Variants in DIP2A observed in about 807,000 individuals in gnomAD.
DIP2A encodes the protein DIP2 acetate--CoA ligase A.
A neutral mutation model predicts 177.4 loss-of-function variants in DIP2A; 85 were observed. That is an observed-to-expected ratio of 0.48 (90% confidence interval 0.40 to 0.57). The LOEUF is 0.57. Ranked by LOEUF, DIP2A falls within the 20% of genes least tolerant of loss-of-function variation. The pLI, the probability that DIP2A is intolerant of heterozygous loss-of-function variation, is 0.00. For missense variants in DIP2A, 1,791 were observed against 2,100.2 expected, an observed-to-expected ratio of 0.85 and a Z score of 2.88; for synonymous variants, 886 against 881.8, an observed-to-expected ratio of 1.00 and a Z score of -0.08.
chr21:46,471,880 T>G (rs1458382896), intron 1 of DIP2A, among the ~76,000 whole-genome samples: 4 of 152,242 alleles, frequency 2.6e-5, no homozygotes, highest in Non-Finnish European at 4.4e-5. Flanking sequence ...GTGTCTTCTT[T>G]CTACACTGAA....
chr21:46,516,488 CTTTTTTT>C (rs1158910021), intron 8 of DIP2A, among the ~76,000 whole-genome samples: 9 of 76,380 alleles, frequency 1.2e-4, no homozygotes, highest in East Asian at 8.5e-4. Context: ...TCTGAAATTT[CTTTTTTT>C]TTTTTTTTTT....
intron 20 of DIP2A, 40 bp downstream of exon 20, chr21:46,546,001 A>G (rs1305658441): frequency 6.2e-7 from 1 of 1,613,548 alleles, no homozygotes; most frequent in African/African-American, 1.3e-5. Flanking sequence ...CAGTCAGAGA[A>G]GGTAGGGGGT....
chr21:46,466,079 T>C (rs2054799753), intron 1 of DIP2A, among the ~76,000 whole-genome samples: 1 of 152,228 alleles, frequency 6.6e-6, no homozygotes, highest in Admixed American at 6.5e-5. Context: ...TACAGTGAGC[T>C]TGACAGTTTC....
rs200370702 is a variant in DIP2A, at chr21:46,545,230, C to G, written c.2270C>G (p.Thr757Arg). ...TGCGTCAGTTCCAGTGCAACTGGCACAGCGTACTATGGATTGCTTGGAATC... is the reference window on the plus strand; with the variant it reads ...TGCGTCAGTTCCAGTGCAACTGGCAGAGCGTACTATGGATTGCTTGGAATC... Reference protein sequence around the residue: ...EICVSSSATGTAYYGLLGITK... With the variant: ...EICVSSSATGRAYYGLLGITK... Residue 757 changes from threonine (T) to arginine (R), a missense_variant, in exon 19 of 38, where the codon ACA (threonine) becomes AGA (arginine). Physicochemically the swap from Thr to Arg is moderately conservative, Grantham distance 71 (BLOSUM62 -1). Transcript: ENST00000417564. The G allele has an allele frequency of 5.4e-5, 87 of 1,609,816 alleles. No homozygotes were observed. Among genetic ancestry groups the G allele is most frequent in the Non-Finnish European group, 6.6e-5 (78 of 1,176,654 alleles).
At chr21:46,555,272 A>G (rs2060424319) in intron 28 of DIP2A, among the ~76,000 whole-genome samples, 1 of 152,020 alleles carries the variant, frequency 6.6e-6, no homozygotes. Flanking sequence ...GCATGCCGCC[A>G]CTCCAGCATC....
intron 2 of DIP2A, among the ~76,000 whole-genome samples, 194 bp from the exon 3 acceptor site, chr21:46,490,406 G>C (rs1189292716): frequency 6.6e-6 from 1 of 152,150 alleles, no homozygotes; most frequent in African/African-American, 2.4e-5. Flanking sequence ...GGGTGATGTG[G>C]GGAGAGGAGA....
chr21:46,515,781 G>T (rs1355144588), intron 8 of DIP2A, among the ~76,000 whole-genome samples: 2 of 152,048 alleles, frequency 1.3e-5, no homozygotes. Context: ...CAAGCAGTCT[G>T]CCGGCCTCCC....
intron 1 of DIP2A, among the ~76,000 whole-genome samples, chr21:46,474,935 A>C (rs901915732): frequency 2.0e-5 from 3 of 152,160 alleles, no homozygotes; most frequent in African/African-American, 7.2e-5. Flanking sequence ...GTTGTGGAGG[A>C]GGATGGGAGG....
intron 8 of DIP2A, among the ~76,000 whole-genome samples, chr21:46,524,999 C>T (rs1312142332): frequency 1.4e-5 from 2 of 146,564 alleles, no homozygotes; most frequent in Non-Finnish European, 3.0e-5. Context: ...AATTATTACG[C>T]ATCAGCCTCC....
intron 21 of DIP2A, 102 bp downstream of exon 21, chr21:46,547,144 A>C: frequency 8.7e-6 from 13 of 1,496,596 alleles, no homozygotes; most frequent in Non-Finnish European, 1.2e-5. Context: ...TGAATTCACA[A>C]AGCCTAAAAA....
At chr21:46,553,303 C>T (rs1023172768) in intron 25 of DIP2A, 4 of 152,324 alleles carry the variant, frequency 2.6e-5, no homozygotes, top group African/African-American at 9.6e-5. Flanking sequence ...AGCCACCAAT[C>T]GAGAAACAGG....
chr21:46,461,977 A>G (rs1351463328), intron 1 of DIP2A, among the ~76,000 whole-genome samples: 2 of 151,942 alleles, frequency 1.3e-5, no homozygotes, highest in Non-Finnish European at 2.9e-5. Context: ...TGGGAGGATC[A>G]CCTGACGAGG....
Position 46,569,949 on chromosome 21 carries a change from A to T in DIP2A, c.*2327A>T. Reference sequence around the variant, plus strand: ...TTTCTTTTTAAAAATTTTTTACAAAATTAGGATCAAGTGCTTTTTTAAATA... The same window carrying T: ...TTTCTTTTTAAAAATTTTTTACAAATTTAGGATCAAGTGCTTTTTTAAATA... On this transcript the variant is annotated 3_prime_UTR_variant, in exon 38 of 38. Coordinates refer to ENST00000417564, the MANE Select transcript of DIP2A (RefSeq NM_015151.4). 6.6e-6 allele frequency: 1 copy of T among 152,228 alleles called. No individual in the cohort carries two copies. Among genetic ancestry groups the T allele is most frequent in the East Asian group, 1.9e-4 (1 of 5,208 alleles). The allele number at this position is 152,228 out of a possible 1,614,324, so 9.4% of individuals were successfully genotyped here. A position where few individuals can be genotyped will look rare whatever the true frequency, so the allele number is the denominator to read the frequency against.
rs1326342584 is a variant in DIP2A, at chr21:46,554,652, C to G, written c.3232C>G (p.Gln1078Glu). 6 of 1,589,742 alleles carry G rather than the reference C, an allele frequency of 3.8e-6. No individual in the cohort carries two copies. Among genetic ancestry groups the G allele is most frequent in the African/African-American group, 1.3e-5 (1 of 74,536 alleles). The change falls in exon 27 of 38, where the codon CAG becomes GAG. Residue 1078 changes from glutamine to glutamate, a missense_variant. Transcript: ENST00000417564. ...VPVTVRPPHP[Q>E]NLGTTLPTVK... ...TGTCACCGTGCGGCCCCCGCACCCT[C>G]AGAACCTCGGCACCACACTGCCCAC...
rs1374509712 is a variant in DIP2A at position 46,556,901 on chromosome 21, T to C, written c.3499-38T>C. 2 of 1,510,102 alleles carry C rather than the reference T, an allele frequency of 1.3e-6. No individual in the cohort carries two copies. The highest frequency in any genetic ancestry group is 4.1e-5 in the Admixed American group (2 of 49,370). The allele number at this position is 1,510,102 out of a possible 1,614,324, so 93.5% of individuals were successfully genotyped here. A position where few individuals can be genotyped will look rare whatever the true frequency, so the allele number is the denominator to read the frequency against. ...CCACCCTCTCCCCTCCTGAATTTCA[T>C]TTCACTTTTTTTTTTTGAACTTTAT... On this transcript the variant is annotated intron_variant, in intron 29 of 37. Transcript: ENST00000417564. This position sits in a 1 kb window ranked among gnomAD's most constrained non-coding sequence, Gnocchi z 4.5.
rs1045237730 is a variant in DIP2A at position 46,567,562 on chromosome 21, C to T, written c.4656C>T (p.His1552=). 8.1e-6 allele frequency: 13 copies of T among 1,613,266 alleles called. No individual in the cohort carries two copies. Among genetic ancestry groups the T allele is most frequent in the East Asian group, 2.2e-5 (1 of 44,886 alleles). The change falls in exon 38 of 38, where the codon CAC becomes CAT. Residue 1552 remains histidine (H), a synonymous_variant. Coordinates refer to ENST00000417564, the MANE Select transcript of DIP2A (RefSeq NM_015151.4). ...CTCGGGGTGAGAAGCAGCGCATGCACCTGCGGGACGGCTTCCTGGCTGACC... is the reference window on the plus strand; with the variant it reads ...CTCGGGGTGAGAAGCAGCGCATGCATCTGCGGGACGGCTTCCTGGCTGACC... ...INSRGEKQRM[H]LRDGFLADQL... is the part of the protein sequence containing the mutation.
In DIP2A at chr21:46,556,069, C is replaced by T. The variant is rs914439907; in HGVS notation, c.3476C>T (p.Thr1159Ile). ...TACTTGGACTTCAGCGTGTCAACCA[C>T]TGGGATATTAGCGGGAGTGAAGGTA... ...LAYLDFSVSTTGILAGVKMSH... is the reference protein window; with the variant it reads ...LAYLDFSVSTIGILAGVKMSH... Residue 1159 changes from threonine (T) to isoleucine (I), a missense_variant, in exon 29 of 38, where the codon ACT becomes ATT. Transcript: ENST00000417564. This position sits in a 1 kb window ranked among gnomAD's most constrained non-coding sequence, Gnocchi z 4.5. The T allele has an allele frequency of 6.2e-7, 1 of 1,613,926 alleles. No individual in the cohort carries two copies. Among genetic ancestry groups the T allele is most frequent in the African/African-American group, 1.3e-5 (1 of 75,046 alleles).
Position 46,557,426 on chromosome 21 carries a change from C to T in DIP2A, c.3630-159C>T, listed in dbSNP as rs1430001245. On this transcript the variant is annotated intron_variant, in intron 30 of 37. Coordinates refer to ENST00000417564, the MANE Select transcript of DIP2A (RefSeq NM_015151.4). The surrounding 1 kb of genome is among the most constrained non-coding windows in gnomAD (Gnocchi z 6.0). ...CGTGCCTGCCATCCCCCAACCTTCA[C>T]CCTGTGGCATGTTTTCCACCAAACC... 3 of 936,238 alleles carry T rather than the reference C, an allele frequency of 3.2e-6. No homozygotes were observed. The highest frequency in any genetic ancestry group is 3.5e-5 in the South Asian group (2 of 57,264). The allele number at this position is 936,238 out of a possible 1,614,324, so 58.0% of individuals were successfully genotyped here.
At chr21:46,461,064 T>C (rs1043261899) in intron 1 of DIP2A, among the ~76,000 whole-genome samples, 4 of 151,178 alleles carry the variant, frequency 2.6e-5, no homozygotes, top group Non-Finnish European at 5.9e-5. Context: ...CCCAACACTT[T>C]GGGAGGCCAC....
Sources: allele counts gnomAD v4.1 joint callset (sites outside exome capture counted in the v4.1 genomes callset), GRCh38; gene constraint gnomAD v4.1.1; non-coding constraint Gnocchi (gnomAD v3.1); transcripts MANE v1.5; gene names NCBI Gene and HGNC (gene_info 2026-07-23, HGNC 2026-07-21).